ZNF438: variants seen among roughly 807,000 people sequenced by gnomAD.
ZNF438 encodes zinc finger protein 438.
A neutral mutation model predicts 38.0 loss-of-function variants in ZNF438; 25 were observed. That is an observed-to-expected ratio of 0.66 (90% CI 0.48 to 0.92). ZNF438 has a LOEUF of 0.92. ZNF438 is among the 40% of genes least tolerant of loss of function. The probability of loss-of-function intolerance (pLI) is 0.00; values close to 1 mark genes in which losing one functional copy is unlikely to be tolerated. For synonymous variants in ZNF438, 372 were observed against 364.1 expected, an observed-to-expected ratio of 1.02 and a Z score of -0.25; for missense variants, 1,007 against 999.6, an observed-to-expected ratio of 1.01 and a Z score of -0.10.
chr10:30,965,395 A>C (rs1262485577), intron 1 of ZNF438, among the ~76,000 whole-genome samples: 1 of 152,194 alleles, frequency 6.6e-6, no homozygotes, highest in East Asian at 1.9e-4. Context: ...AAAGAACTTA[A>C]AAACAGAACT....
chr10:30,929,948 A>C (rs1470570917), intron 2 of ZNF438, among the ~76,000 whole-genome samples: 1 of 152,200 alleles, frequency 6.6e-6, no homozygotes, highest in East Asian at 1.9e-4. Flanking sequence ...TCCTCCAGCT[A>C]GATATAAAAG....
At chr10:30,875,307 G>A (rs1381577634) in intron 4 of ZNF438, 1 of 985,310 alleles carries the variant, frequency 1.0e-6, no homozygotes, top group Non-Finnish European at 1.2e-6. Context: ...GCAGCTTGTT[G>A]CTTAGTTACT....
intron 3 of ZNF438, among the ~76,000 whole-genome samples, chr10:30,881,442 T>C (rs1042878181): frequency 6.6e-6 from 1 of 152,092 alleles, no homozygotes; most frequent in Non-Finnish European, 1.5e-5. Flanking sequence ...GAAAGACCTA[T>C]ACACTGAAAA....
At chr10:30,958,246 CA>C (rs1406900514) in intron 1 of ZNF438, among the ~76,000 whole-genome samples, 1 of 146,924 alleles carries the variant, frequency 6.8e-6, no homozygotes, top group Non-Finnish European at 1.5e-5. Flanking sequence ...AACAGGTCTT[CA>C]GAAGAGAGTC....
intron 1 of ZNF438, among the ~76,000 whole-genome samples, chr10:31,014,572 G>A (rs2056023780): frequency 6.6e-6 from 1 of 152,118 alleles, no homozygotes; most frequent in Admixed American, 6.5e-5. Context: ...TGAGTTTGGT[G>A]GGGATCCAAT....
intron 3 of ZNF438, among the ~76,000 whole-genome samples, chr10:30,901,552 C>A (rs1291643304): frequency 6.6e-6 from 1 of 152,098 alleles, no homozygotes; most frequent in African/African-American, 2.4e-5. Context: ...CGGTATTTGG[C>A]CCCCGAATTC....
chr10:30,987,033 G>C (rs896011360), intron 1 of ZNF438, among the ~76,000 whole-genome samples: 2 of 152,044 alleles, frequency 1.3e-5, no homozygotes, highest in Non-Finnish European at 2.9e-5. Flanking sequence ...ATTCACAGCT[G>C]TGCCCAAAAC....
chr10:31,021,959 T>C (rs2056627061), intron 1 of ZNF438, among the ~76,000 whole-genome samples: 1 of 152,216 alleles, frequency 6.6e-6, no homozygotes. Context: ...TCGTTTGGCA[T>C]TTGAAGCAAA....
At chr10:30,848,583 T>C in exon 5 of ZNF438, 5 of 1,614,224 alleles carry the variant, frequency 3.1e-6, no homozygotes, top group Non-Finnish European at 3.4e-6. Context: ...TTCTTTGGTA[T>C]GTCTCCTGGC....
At chr10:30,887,952 T>C (rs954907415) in intron 3 of ZNF438, among the ~76,000 whole-genome samples, 2 of 152,226 alleles carry the variant, frequency 1.3e-5, no homozygotes, top group African/African-American at 4.8e-5. Flanking sequence ...TCACTTATTA[T>C]GTGTATCAGT....
In ZNF438 at chr10:31,010,827, A is replaced by T. The variant is rs569640867; in HGVS notation, c.-192+21006T>A. Among the ~76,000 whole-genome samples the T allele has an allele frequency of 6.5e-4, 94 of 144,076 alleles. 1 individual carries two copies. The highest frequency in any genetic ancestry group is 2.3e-3 in the African/African-American group (88 of 38,234). 94.5% of individuals were successfully genotyped at this position (144,076 alleles called of 152,430 possible). A position where few individuals can be genotyped will look rare whatever the true frequency, so the allele number is the denominator to read the frequency against. On this transcript the variant is annotated intron_variant, in intron 1 of 5. Coordinates refer to ENST00000413025, the Ensembl canonical transcript of ZNF438. ...AGGATCACTTGTGCCCAGGAGTTCAAGGCTGCAGTGAGCTATTATTACACC... is the reference window on the plus strand; with the variant it reads ...AGGATCACTTGTGCCCAGGAGTTCATGGCTGCAGTGAGCTATTATTACACC...
At chr10:30,876,458 G>A (rs182988402) in intron 4 of ZNF438, among the ~76,000 whole-genome samples, 17 of 152,278 alleles carry the variant, frequency 1.1e-4, no homozygotes, top group Non-Finnish European at 2.2e-4. Context: ...GGAAGGTCCA[G>A]AAGTGCCTGT....
chr10:30,896,194 G>T (rs2041309087), intron 3 of ZNF438, among the ~76,000 whole-genome samples: 1 of 151,792 alleles, frequency 6.6e-6, no homozygotes, highest in Non-Finnish European at 1.5e-5. Flanking sequence ...TACTTGGGAG[G>T]CTGAGGCAGG....
At chr10:30,878,011 A>G (rs1466060258) in intron 3 of ZNF438, among the ~76,000 whole-genome samples, 1 of 152,204 alleles carries the variant, frequency 6.6e-6, no homozygotes, top group Admixed American at 6.5e-5. Flanking sequence ...AAACACAGAC[A>G]GAACATATGA....
intron 2 of ZNF438, among the ~76,000 whole-genome samples, chr10:30,924,631 C>T (rs1161605527): frequency 6.6e-6 from 1 of 152,202 alleles, no homozygotes; most frequent in Non-Finnish European, 1.5e-5. Flanking sequence ...ATAACATTTA[C>T]TGCCTGACAT....
chr10:30,928,735 G>C (rs2045264794), intron 2 of ZNF438, among the ~76,000 whole-genome samples: 1 of 152,058 alleles, frequency 6.6e-6, no homozygotes, highest in South Asian at 2.1e-4. Context: ...CCCGAGTCCT[G>C]GTCTAGATTC....
At chr10:30,875,488 C>G (rs1486032904) in intron 4 of ZNF438, 1 of 985,134 alleles carries the variant, frequency 1.0e-6, no homozygotes, top group Non-Finnish European at 1.2e-6. Context: ...ATTATTTTTT[C>G]TCCTAAGCTT....
intron 1 of ZNF438, among the ~76,000 whole-genome samples, chr10:30,945,820 G>A (rs1163874215): frequency 9.4e-6 from 1 of 106,682 alleles, no homozygotes; most frequent in Non-Finnish European, 1.9e-5. Context: ...CATTTGGGTT[G>A]GTTCCAAGTC....
chr10:30,849,505 C>G (rs1286747006), exon 5 of ZNF438: 4 of 1,614,238 alleles, frequency 2.5e-6, no homozygotes, highest in Middle Eastern at 1.6e-4. Flanking sequence ...CCATTGTCTT[C>G]ATTCTTGAGT....
Sources: gnomAD v4.1 joint callset for allele counts (sites outside exome capture counted in the v4.1 genomes callset) on GRCh38, gnomAD v4.1.1 for gene constraint, MANE v1.5 for transcripts, NCBI Gene and HGNC (gene_info 2026-07-23, HGNC 2026-07-21) for gene names.